CISD1: variants seen among roughly 807,000 people sequenced by gnomAD.
The protein encoded by CISD1 is CDGSH iron-sulfur domain-containing protein 1.
CISD1 carries 8 observed loss-of-function variants against 12.0 expected under a neutral mutation model. The ratio of observed to expected loss-of-function variants is 0.67; its 90% confidence interval spans 0.39 to 1.20. The LOEUF (loss-of-function observed/expected upper bound fraction) is 1.20. Ranked by LOEUF, CISD1 falls within the 50% of genes most tolerant of loss-of-function variation. The pLI is 0.01. For synonymous variants in CISD1, 38 were observed against 42.2 expected (o/e 0.90, Z 0.39); for missense variants, 107 against 132.7 (o/e 0.81, Z 0.95).
chr10:58,270,036 GATGTTATAATTGTTA>G (rs1412692434), intron 1 of CISD1, among the ~76,000 whole-genome samples: 1 of 152,186 alleles, frequency 6.6e-6, no homozygotes, highest in Non-Finnish European at 1.5e-5. Flanking sequence ...CATTCTTGGT[GATGTTATAATTGTTA>G]ATATAATACT....
At chr10:58,287,104 A>G (rs188196380) in intron 2 of CISD1, among the ~76,000 whole-genome samples, 672 of 152,232 alleles carry the variant, frequency 4.4e-3, no homozygotes, top group Middle Eastern at 0.01. Flanking sequence ...TATTTTTAGT[A>G]GAGACAGGGT....
rs1455450093 is a variant in CISD1 at position 58,269,221 on chromosome 10, G to A, written c.-53G>A. ...GCACCTTTACTCTCGCCGGCCGCGCGAACCCGTTTGAGCTCGGTATCCTAG... is the reference window on the plus strand; with the variant it reads ...GCACCTTTACTCTCGCCGGCCGCGCAAACCCGTTTGAGCTCGGTATCCTAG... On this transcript the variant is annotated 5_prime_UTR_variant, in exon 1 of 3. Transcript: ENST00000333926. 2 of 1,591,316 alleles carry A rather than the reference G, an allele frequency of 1.3e-6. No individual in the cohort carries two copies. The highest frequency in any genetic ancestry group is 8.6e-7 in the Non-Finnish European group (1 of 1,169,296).
At chr10:58,281,130 G>A (rs1839369658) in intron 2 of CISD1, among the ~76,000 whole-genome samples, 1 of 152,188 alleles carries the variant, frequency 6.6e-6, no homozygotes, top group African/African-American at 2.4e-5. Flanking sequence ...ACTAAATATG[G>A]GCTTTCATGA....
chr10:58,270,650 A>G (rs1053794064), intron 1 of CISD1, among the ~76,000 whole-genome samples: 13 of 152,182 alleles, frequency 8.5e-5, no homozygotes, highest in Admixed American at 8.5e-4. Flanking sequence ...TGAAATGTGA[A>G]ACGGGTGAAC....
Position 58,269,247 on chromosome 10 carries a change from T to C in CISD1, c.-27T>C. 1.9e-6 allele frequency: 3 copies of C among 1,606,732 alleles called. No individual in the cohort carries two copies. The highest frequency in any genetic ancestry group is 1.7e-6 in the Non-Finnish European group (2 of 1,179,568). On this transcript the variant is annotated 5_prime_UTR_variant, in exon 1 of 3. Transcript: ENST00000333926. ...AACCCGTTTGAGCTCGGTATCCTAG[T>C]GCACACGCCTTGCAAGCGACGGCGC...
At chr10:58,280,448 G>C (rs1839361597) in intron 2 of CISD1, among the ~76,000 whole-genome samples, 1 of 152,158 alleles carries the variant, frequency 6.6e-6, no homozygotes, top group South Asian at 2.1e-4. Flanking sequence ...ATTAGAAGAG[G>C]GTTATGCCAT....
intron 2 of CISD1, among the ~76,000 whole-genome samples, chr10:58,278,079 ATG>A (rs1839335349): frequency 6.6e-6 from 1 of 152,168 alleles, no homozygotes; most frequent in Non-Finnish European, 1.5e-5. Context: ...GGTGTCATCT[ATG>A]AAACCTGCAG....
rs1839466955 is a variant in CISD1, at chr10:58,289,576, T to TA, written c.*1931dup. 1 of 152,106 alleles carries TA rather than the reference T, an allele frequency of 6.6e-6. No homozygotes were observed. 9.4% of individuals were successfully genotyped at this position (152,106 alleles called of 1,614,324 possible). Reference sequence around the variant, plus strand: ...AAAACCCTTTTCAGGTTATTTGACCTAAAAACCAAAGTGAGTGTGGTTAGG... The same window carrying TA: ...AAAACCCTTTTCAGGTTATTTGACCTAAAAAACCAAAGTGAGTGTGGTTAGG... On this transcript the variant is annotated 3_prime_UTR_variant, in exon 3 of 3. Coordinates refer to ENST00000333926, the MANE Select transcript of CISD1 (RefSeq NM_018464.5).
chr10:58,277,899 T>A (rs1044093889), intron 2 of CISD1, among the ~76,000 whole-genome samples: 1 of 152,156 alleles, frequency 6.6e-6, no homozygotes, highest in South Asian at 2.1e-4. Context: ...CTAAGACAAG[T>A]GTTAGAAATT....
At chr10:58,280,477 C>T (rs1588981843) in intron 2 of CISD1, among the ~76,000 whole-genome samples, 4 of 152,048 alleles carry the variant, frequency 2.6e-5, no homozygotes, top group Admixed American at 2.6e-4. Context: ...ATAAGAGATT[C>T]GAGGTAAAAG....
intron 1 of CISD1, among the ~76,000 whole-genome samples, chr10:58,269,954 C>G (rs895748759): frequency 6.6e-6 from 1 of 152,234 alleles, no homozygotes; most frequent in Non-Finnish European, 1.5e-5. Flanking sequence ...CAGTATTTCG[C>G]AGAAAGTCCC....
chr10:58,288,295 C>A lies in CISD1; in HGVS notation c.*645C>A, dbSNP rs1054644287. 6.6e-6 allele frequency: 1 copy of A among 152,182 alleles called. No homozygotes were observed. The highest frequency in any genetic ancestry group is 1.5e-5 in the Non-Finnish European group (1 of 67,996). 9.4% of individuals were successfully genotyped at this position (152,182 alleles called of 1,614,324 possible). ...TCACAGATATTTAATGAAGATGGAT[C>A]CATTAAAGGAGCCAATAGTGAAAAT... On this transcript the variant is annotated 3_prime_UTR_variant, in exon 3 of 3. Transcript: ENST00000333926.
chr10:58,270,250 T>G (rs1839229661), intron 1 of CISD1, among the ~76,000 whole-genome samples: 1 of 152,224 alleles, frequency 6.6e-6, no homozygotes, highest in Non-Finnish European at 1.5e-5. Context: ...ATAGGTAGTT[T>G]CCAAAAATTG....
At chr10:58,280,050 T>C (rs144719945) in intron 2 of CISD1, among the ~76,000 whole-genome samples, 1,525 of 152,294 alleles carry the variant, frequency 0.01, 22 homozygotes, top group African/African-American at 0.033. Context: ...GGGAGTTAAA[T>C]TGCTCTGAGA....
At chr10:58,281,972 T>TC (rs1839378321) in intron 2 of CISD1, among the ~76,000 whole-genome samples, 1 of 151,976 alleles carries the variant, frequency 6.6e-6, no homozygotes, top group Non-Finnish European at 1.5e-5. Flanking sequence ...TTTTTTTTTT[T>TC]CTTTTTCTTG....
chr10:58,275,858 G>A (rs1839309794), intron 1 of CISD1, among the ~76,000 whole-genome samples: 1 of 152,184 alleles, frequency 6.6e-6, no homozygotes, highest in South Asian at 2.1e-4. Context: ...AGTTTTAGAA[G>A]ATTAAGCTCC....
At chr10:58,269,897 G>A (rs1337735546) in intron 1 of CISD1, among the ~76,000 whole-genome samples, 1 of 152,166 alleles carries the variant, frequency 6.6e-6, no homozygotes, top group Non-Finnish European at 1.5e-5. Context: ...TGAACCTTCA[G>A]CTTTCTGAGT....
intron 1 of CISD1, chr10:58,275,982 T>G (rs1839311134): frequency 6.6e-6 from 1 of 152,142 alleles, no homozygotes; most frequent in Admixed American, 6.5e-5. Context: ...TTGGGATGTG[T>G]TTTTTTGTAC....
chr10:58,274,868 A>G (rs1430541019), intron 1 of CISD1, among the ~76,000 whole-genome samples: 1 of 152,208 alleles, frequency 6.6e-6, no homozygotes, highest in African/African-American at 2.4e-5. Flanking sequence ...GAGAAAAAAG[A>G]ATGCAAGAAG....
Sources: gnomAD v4.1 joint callset for allele counts (sites outside exome capture counted in the v4.1 genomes callset) on GRCh38, gnomAD v4.1.1 for gene constraint, MANE v1.5 for transcripts, NCBI Gene and HGNC (gene_info 2026-07-23, HGNC 2026-07-21) for gene names.